The following NLGN4X variants were observed in gnomAD, a reference collection of about 807,000 sequenced individuals.
The protein encoded by NLGN4X is neuroligin-4, X-linked.
In NLGN4X, 3 loss-of-function variants were observed where a neutral mutation model predicts 40.3. That is an observed-to-expected ratio of 0.07 (90% CI 0.03 to 0.19). The LOEUF is 0.19. Among genes scored for constraint, NLGN4X ranks in the 10% least tolerant of loss-of-function variants. NLGN4X has a pLI of 1.00. For synonymous variants in NLGN4X, 270 were observed against 306.8 expected (o/e 0.88, Z 1.25); for missense variants, 382 against 708.3 (o/e 0.54, Z 5.23).
chrX:6,198,218 G>A (rs1039582295), intron 1 of NLGN4X, among the ~76,000 whole-genome samples: 7 of 111,667 alleles, frequency 6.3e-5, no homozygotes, highest in Non-Finnish European at 9.4e-5. Context: ...ATGACGTTTC[G>A]AATAAGCCTC....
intron 3 of NLGN4X, among the ~76,000 whole-genome samples, chrX:6,026,608 T>C (rs1239606828): frequency 1.8e-5 from 2 of 111,885 alleles, no homozygotes; most frequent in Non-Finnish European, 3.8e-5. Flanking sequence ...TCTATCGTCC[T>C]GTAAAATCGG....
intron 2 of NLGN4X, among the ~76,000 whole-genome samples, chrX:6,046,501 TAAAAC>T (rs1437543655): frequency 3.0e-4 from 34 of 111,519 alleles, no homozygotes; most frequent in African/African-American, 8.4e-4. Flanking sequence ...AATCTCAACT[TAAAAC>T]AAAATAAATA....
chrX:5,925,096 T>C (rs975274996), intron 3 of NLGN4X, among the ~76,000 whole-genome samples: 2 of 111,897 alleles, frequency 1.8e-5, no homozygotes, highest in Admixed American at 1.9e-4. Context: ...TTCACTGCCT[T>C]CTTCTCCTGG....
chrX:6,005,777 C>T (rs906985417), intron 3 of NLGN4X, among the ~76,000 whole-genome samples: 5 of 111,307 alleles, frequency 4.5e-5, no homozygotes, highest in Admixed American at 3.8e-4. Flanking sequence ...AGAATGAAGT[C>T]TGTCAACACA....
At chrX:5,979,683 A>T (rs2035312840) in intron 3 of NLGN4X, among the ~76,000 whole-genome samples, 1 of 107,644 alleles carries the variant, frequency 9.3e-6, no homozygotes, top group Non-Finnish European at 1.9e-5. Context: ...TCCAATTGTT[A>T]TGGGGTGGTT....
intron 3 of NLGN4X, among the ~76,000 whole-genome samples, chrX:5,926,875 A>G: frequency 9.1e-6 from 1 of 109,344 alleles, no homozygotes; most frequent in Non-Finnish European, 1.9e-5. Context: ...GAGAATACAG[A>G]TATTCTTATC....
chrX:6,210,186 G>C (rs1473112118), intron 1 of NLGN4X, among the ~76,000 whole-genome samples: 12 of 110,479 alleles, frequency 1.1e-4, no homozygotes. Context: ...CTTAACTGTG[G>C]GTTGGCAAAG....
intron 1 of NLGN4X, among the ~76,000 whole-genome samples, chrX:6,210,351 C>A (rs1275054686): frequency 9.1e-6 from 1 of 109,476 alleles, no homozygotes; most frequent in East Asian, 2.9e-4. Flanking sequence ...TGTATCTCTG[C>A]CAGGTACTAG....
intron 2 of NLGN4X, among the ~76,000 whole-genome samples, chrX:6,079,015 G>A (rs1013316599): frequency 8.9e-6 from 1 of 111,860 alleles, no homozygotes; most frequent in Admixed American, 9.5e-5. Flanking sequence ...TGAAGAAGGT[G>A]CTTTCCTTCC....
At chrX:5,989,186 G>A (rs2035615809) in intron 3 of NLGN4X, among the ~76,000 whole-genome samples, 1 of 111,945 alleles carries the variant, frequency 8.9e-6, no homozygotes, top group South Asian at 3.7e-4. Context: ...TATACAATGT[G>A]GTCACTGACC....
chrX:6,152,368 T>C (rs922136629), intron 1 of NLGN4X, among the ~76,000 whole-genome samples: 3 of 112,400 alleles, frequency 2.7e-5, no homozygotes, highest in African/African-American at 9.7e-5. Flanking sequence ...ATGCAGATTA[T>C]AGTAACAACA....
At chrX:6,014,190 A>G (rs370417813) in intron 3 of NLGN4X, among the ~76,000 whole-genome samples, 326 of 106,876 alleles carry the variant, frequency 3.1e-3, no homozygotes, top group African/African-American at 9.8e-3. Flanking sequence ...CAGAGAGAGA[A>G]AAAAAAAAAA....
At chrX:6,215,385 A>C (rs910009063) in intron 1 of NLGN4X, among the ~76,000 whole-genome samples, 4 of 110,520 alleles carry the variant, frequency 3.6e-5, no homozygotes, top group Admixed American at 9.7e-5. Flanking sequence ...CCCTGTCTCT[A>C]CTAAAAATAC....
intron 1 of NLGN4X, 59 bp downstream of exon 1, chrX:6,228,482 T>C (rs1441112387): frequency 8.9e-6 from 1 of 112,283 alleles, no homozygotes; most frequent in African/African-American, 3.2e-5. Flanking sequence ...TCAAAATGTT[T>C]AAACGGCTTT....
intron 3 of NLGN4X, among the ~76,000 whole-genome samples, chrX:5,979,026 G>T (rs2035294556): frequency 9.0e-6 from 1 of 110,593 alleles, no homozygotes; most frequent in African/African-American, 3.3e-5. Flanking sequence ...ATATATACAT[G>T]TACATATATA....
chrX:6,209,808 T>C (rs1023622656), intron 1 of NLGN4X, among the ~76,000 whole-genome samples: 1 of 112,128 alleles, frequency 8.9e-6, no homozygotes, highest in African/African-American at 3.2e-5. Context: ...GATAGCCAAC[T>C]ATCTATAACT....
chrX:6,191,397 A>G (rs889029149), intron 1 of NLGN4X, among the ~76,000 whole-genome samples: 1 of 111,651 alleles, frequency 9.0e-6, no homozygotes, highest in African/African-American at 3.3e-5. Context: ...AGAAGTTCAG[A>G]TGCTCTAAAG....
chrX:6,067,931 T>C (rs933114857), intron 2 of NLGN4X, among the ~76,000 whole-genome samples: 2 of 111,358 alleles, frequency 1.8e-5, no homozygotes, highest in African/African-American at 6.5e-5. Flanking sequence ...ATTGTCCTTT[T>C]TCAAATCCCC....
At chrX:6,159,570 C>T (rs1219214628) in intron 1 of NLGN4X, among the ~76,000 whole-genome samples, 1 of 111,774 alleles carries the variant, frequency 8.9e-6, no homozygotes, top group East Asian at 2.8e-4. Context: ...AGGCAATAGA[C>T]CATCCACCCA....
Sources: gnomAD v4.1 joint callset for allele counts (sites outside exome capture counted in the v4.1 genomes callset) on GRCh38, gnomAD v4.1.1 for gene constraint, MANE v1.5 for transcripts, NCBI Gene and HGNC (gene_info 2026-07-23, HGNC 2026-07-21) for gene names.